Variants in PITPNM1 observed in about 807,000 individuals in gnomAD.
PITPNM1 encodes membrane-associated phosphatidylinositol transfer protein 1.
Under a neutral mutation model 133.3 loss-of-function variants are expected in PITPNM1, and 74 were observed. The observed-to-expected ratio is 0.56, with a 90% CI of 0.46 to 0.67. PITPNM1 has a LOEUF of 0.67. Ranked by LOEUF, PITPNM1 falls within the 30% of genes least tolerant of loss-of-function variation. The pLI is 0.00. For missense variants in PITPNM1, 1,398 were observed against 1,739.5 expected (o/e 0.80, Z 3.49); for synonymous variants, 738 against 741.4 (o/e 1.00, Z 0.08).
At chr11:67,495,900 C>T (rs367556211) in intron 15 of PITPNM1, among the ~76,000 whole-genome samples, 102 of 152,358 alleles carry the variant, frequency 6.7e-4, no homozygotes, top group African/African-American at 2.3e-3. Flanking sequence ...GATGCAGCAG[C>T]GCACACATGC....
In PITPNM1 at chr11:67,497,661, G is replaced by A. The variant is rs1186067327; in HGVS notation, c.1801C>T (p.Pro601Ser). ...RGSMNNELLS[P>S]EFGPVRDPLA... ...GGGTCCCGCACTGGGCCAAACTCCG[G>A]AGAGAGCAGCTCATTGTTCTGGATG... is the stretch of plus-strand genomic sequence containing the variant. The change falls in exon 13 of 24, where the codon CCG becomes TCG. Residue 601 changes from proline to serine, a missense_variant. Around this residue, in one of 5 missense-constraint regions of PITPNM1, gnomAD observed 574 missense variants for 698.7 expected, o/e 0.82. Coordinates refer to ENST00000356404, the MANE Select transcript of PITPNM1 (RefSeq NM_004910.3). 1.9e-6 allele frequency: 3 copies of A among 1,610,990 alleles called. No individual in the cohort carries two copies. Among genetic ancestry groups the A allele is most frequent in the Non-Finnish European group, 2.5e-6 (3 of 1,179,404 alleles).
In PITPNM1 at chr11:67,501,963, G is replaced by A. The variant is rs538265905; in HGVS notation, c.539C>T (p.Ala180Val). Reference sequence around the variant, plus strand: ...ACACATAAGGGGCCCCGTCTGTGCCGCCGTCCGTGCCCAGTCATCAGACAG... The same window carrying A: ...ACACATAAGGGGCCCCGTCTGTGCCACCGTCCGTGCCCAGTCATCAGACAG... ...GPLSDDWART[A>V]AQTGPLMCAY... Residue 180 changes from alanine (A) to valine (V), a missense_variant, in exon 5 of 24, where the codon GCG (alanine) becomes GTG (valine). Ala to Val is a moderately conservative substitution (Grantham distance 64, BLOSUM62 0). Coordinates refer to ENST00000356404, the MANE Select transcript of PITPNM1 (RefSeq NM_004910.3). 9 of 1,613,492 alleles carry A rather than the reference G, an allele frequency of 5.6e-6. No individual in the cohort carries two copies. The East Asian group carries it at 1.1e-4, about 20-fold the overall frequency.
rs372961866 is a variant in PITPNM1 at position 67,502,637 on chromosome 11, C to T, written c.160G>A (p.Gly54Ser). ...ACCTTGTGTGTGTATTGCCCGCTGC[C>T]CCCGGGCCCATCCGTGTAGGGCCGG... Reference protein sequence around the residue: ...ANRPYTDGPGGSGQYTHKVYH... With the variant: ...ANRPYTDGPGSSGQYTHKVYH... Residue 54 changes from glycine to serine, a missense_variant, in exon 3 of 24, where the codon GGC becomes AGC. By Grantham distance (56) the Gly-to-Ser change is moderately conservative. Around this residue, in one of 5 missense-constraint regions of PITPNM1, gnomAD observed 274 missense variants for 360.7 expected, o/e 0.76. Transcript: ENST00000356404. The surrounding 1 kb of genome is among the most constrained non-coding windows in gnomAD (Gnocchi z 5.9). 3.6e-5 allele frequency: 58 copies of T among 1,613,532 alleles called. No homozygotes were observed. The highest frequency in any genetic ancestry group is 4.7e-5 in the Non-Finnish European group (56 of 1,180,024).
chr11:67,497,676 T>C lies in PITPNM1; in HGVS notation c.1786A>G (p.Asn596Asp). The part of the protein sequence containing the change: ...RGSSRRGSMN[N>D]ELLSPEFGPV... ...CCAAACTCCGGAGAGAGCAGCTCAT[T>C]GTTCTGGATGGAACAGGAGACAGAA... Residue 596 changes from asparagine (N) to aspartate (D), a missense_variant, in exon 13 of 24, where the codon AAT (asparagine) becomes GAT (aspartate). Physicochemically the swap from Asn to Asp is conservative, Grantham distance 23. Transcript: ENST00000356404. 2 of 1,609,916 alleles carry C rather than the reference T, an allele frequency of 1.2e-6. No homozygotes were observed. Among genetic ancestry groups the C allele is most frequent in the African/African-American group, 1.3e-5 (1 of 74,768 alleles).
At position 67,498,270 on chromosome 11, in the gene PITPNM1, T is replaced by G; in HGVS notation, c.1537A>C (p.Ile513Leu). 6.2e-7 allele frequency: 1 copy of G among 1,610,540 alleles called. No individual in the cohort carries two copies. ...GDSLSRSQDH[I>L]PLAALPLLAT... The stretch of plus-strand genomic sequence containing the variant: ...AGCAGTGGCAGGGCAGCCAGTGGAA[T>G]GTGGTCTTGGGAGCGAGACAGGCTG... The change falls in exon 11 of 24, where the codon ATT becomes CTT. Residue 513 changes from isoleucine to leucine, a missense_variant. Ile to Leu is a conservative substitution (Grantham distance 5, BLOSUM62 2). Coordinates refer to ENST00000356404, the MANE Select transcript of PITPNM1 (RefSeq NM_004910.3). The surrounding 1 kb of genome is among the most constrained non-coding windows in gnomAD (Gnocchi z 5.7).
intron 2 of PITPNM1, chr11:67,503,816 C>T (rs1866407490): frequency 8.9e-6 from 3 of 336,334 alleles, no homozygotes; most frequent in Non-Finnish European, 1.7e-5. Context: ...CCGCGGAGGC[C>T]CCCCTCCTCA....
chr11:67,500,245 T>C lies in PITPNM1; in HGVS notation c.817A>G (p.Lys273Glu). Residue 273 changes from lysine to glutamate, a missense_variant, in exon 6 of 24, where the codon AAA (lysine) becomes GAA (glutamate). This residue lies in a region of PITPNM1 where 195 missense variants were observed against 178.8 expected (regional missense o/e 1.09). Transcript: ENST00000356404. ...SEGSEAQPPG[K>E]PSTEARSAAS... ...GCAGACCGGGCCTCGGTGCTCGGTT[T>C]CCCGGGGGGCTGGGCCTCGGACCCC... The C allele has an allele frequency of 6.2e-7, 1 of 1,606,068 alleles. No homozygotes were observed. The highest frequency in any genetic ancestry group is 8.5e-7 in the Non-Finnish European group (1 of 1,179,810).
rs772624837 is a variant in PITPNM1, at chr11:67,499,751, G to T, written c.1143C>A (p.Ala381=). ...GCGTTCCCTCTGCCTCCACTGGGGA[G>T]GCAAAGGCATCAATGAAGTCATTGG... The part of the protein sequence containing the change: ...WNSNDFIDAF[A]SPVEAEGTPE... The change falls in exon 8 of 24, where the codon GCC becomes GCA. Residue 381 remains alanine, a synonymous_variant. Coordinates refer to ENST00000356404, the MANE Select transcript of PITPNM1 (RefSeq NM_004910.3). 2 of 1,514,146 alleles carry T rather than the reference G, an allele frequency of 1.3e-6. No individual in the cohort carries two copies. Among genetic ancestry groups the T allele is most frequent in the South Asian group, 1.3e-5 (1 of 76,298 alleles). The allele number at this position is 1,514,146 out of a possible 1,614,324, so 93.8% of individuals were successfully genotyped here.
chr11:67,500,600 C>G (rs1662054247), intron 5 of PITPNM1, among the ~76,000 whole-genome samples, 179 bp from the exon 6 acceptor site: 1 of 152,198 alleles, frequency 6.6e-6, no homozygotes, highest in Non-Finnish European at 1.5e-5. Context: ...CATTTGTCTT[C>G]CTGCCTGACT....
At chr11:67,500,725 C>T (rs1866298173) in intron 5 of PITPNM1, among the ~76,000 whole-genome samples, 1 of 152,254 alleles carries the variant, frequency 6.6e-6, no homozygotes, top group South Asian at 2.1e-4. Flanking sequence ...GGCTGGCTTC[C>T]TGCTGACTTC....
chr11:67,495,413 G>A, intron 16 of PITPNM1, 25 bp downstream of exon 16: 1 of 1,474,622 alleles, frequency 6.8e-7, no homozygotes, highest in Non-Finnish European at 9.0e-7. Context: ...CCCCCAGGCT[G>A]GACTGCCTAG....
At chr11:67,501,796 C>A in intron 5 of PITPNM1, 66 bp downstream of exon 5, 1 of 1,369,796 alleles carries the variant, frequency 7.3e-7, no homozygotes, top group Non-Finnish European at 1.0e-6. Context: ...TGGGAGCATC[C>A]CTGGCCCTAA....
rs924564203 is a variant in PITPNM1 at position 67,499,930 on chromosome 11, C to T, written c.1047G>A (p.Glu349=). ...ARDSENSSEE[E]FFDAHEGFSD... is the part of the protein sequence containing the mutation. ...AGTGCTGACCGTGGGCATCAAAGAA[C>T]TCTTCCTCGGAGCTGTTCTCAGAGT... Residue 349 remains glutamate (E), a synonymous_variant, in exon 7 of 24, where the codon GAG becomes GAA. Transcript: ENST00000356404. 1 of 1,612,116 alleles carries T rather than the reference C, an allele frequency of 6.2e-7. No individual in the cohort carries two copies. The highest frequency in any genetic ancestry group is 8.5e-7 in the Non-Finnish European group (1 of 1,179,580).
intron 8 of PITPNM1, 99 bp from the exon 9 acceptor site, chr11:67,499,100 C>G: frequency 8.4e-7 from 1 of 1,188,312 alleles, no homozygotes; most frequent in Admixed American, 2.4e-5. Flanking sequence ...GCCTGAGGCC[C>G]CCAGTCCCTA....
At chr11:67,494,436 C>T in intron 18 of PITPNM1, 76 bp from the exon 19 acceptor site, 2 of 1,049,632 alleles carry the variant, frequency 1.9e-6, no homozygotes, top group East Asian at 5.2e-5. Context: ...GGGTGAGGAT[C>T]CACACGCAAA....
At position 67,493,696 on chromosome 11, in the gene PITPNM1, G is replaced by T. The variant is rs371794559; in HGVS notation, c.3150C>A (p.Asp1050Glu). ...GCAGTGGCAACTCCTACCTGACCAC[G>T]TCCACGGCGCCAGCTCGCACCTTGG... Reference protein sequence around the residue: ...SDPKVRAGAVDVVRHWQDSGY... With the variant: ...SDPKVRAGAVEVVRHWQDSGY... The change falls in exon 21 of 24, where the codon GAC (aspartate) becomes GAA (glutamate). Residue 1050 changes from aspartate to glutamate, a missense_variant. This residue lies in a region of PITPNM1 where 233 missense variants were observed against 378.0 expected (regional missense o/e 0.62). Coordinates refer to ENST00000356404, the MANE Select transcript of PITPNM1 (RefSeq NM_004910.3). 2 of 1,546,312 alleles carry T rather than the reference G, an allele frequency of 1.3e-6. No individual in the cohort carries two copies. The highest frequency in any genetic ancestry group is 2.7e-5 in the African/African-American group (2 of 73,026).
At chr11:67,497,007 T>C (rs906665832) in intron 14 of PITPNM1, 3 of 447,984 alleles carry the variant, frequency 6.7e-6, no homozygotes, top group African/African-American at 6.1e-5. Context: ...CCCCTTCTAG[T>C]GCAGAACATC....
intron 18 of PITPNM1, 118 bp downstream of exon 18, chr11:67,494,728 G>A: frequency 1.5e-6 from 1 of 665,028 alleles, no homozygotes; most frequent in Admixed American, 2.3e-5. Context: ...GCAGGACTGG[G>A]AGAGAGTTGG....
chr11:67,495,462 TG>T lies in PITPNM1; in HGVS notation c.2457del (p.Ser820AlafsTer59). On this transcript the variant is annotated frameshift_variant, in exon 16 of 24. Transcript: ENST00000356404. LOFTEE classifies it high-confidence loss of function. ...ATDPPAQPAAPSTTSEVVKIL... is the reference protein window; with the variant it reads ...ATDPPAQPAAXSTTSEVVKIL... The stretch of plus-strand genomic sequence containing the variant: ...CTCTTAACCACCTCACTGGTGGTGC[TG>T]GGGGCGGCTGGCTGGGCCGGGGGGT... The T allele has an allele frequency of 2.6e-6, 4 of 1,539,286 alleles. No individual in the cohort carries two copies. Among genetic ancestry groups the T allele is most frequent in the Non-Finnish European group, 1.8e-6 (2 of 1,142,528 alleles).
Sources: allele counts gnomAD v4.1 joint callset (sites outside exome capture counted in the v4.1 genomes callset), GRCh38; gene constraint gnomAD v4.1.1; regional missense constraint gnomAD v4.1.1; non-coding constraint Gnocchi (gnomAD v3.1); transcripts MANE v1.5; gene names NCBI Gene and HGNC (gene_info 2026-07-23, HGNC 2026-07-21).